The following DPYSL2 variants were observed in gnomAD, a reference collection of about 807,000 sequenced individuals.
DPYSL2 encodes dihydropyrimidinase-related protein 2.
A neutral mutation model predicts 69.9 loss-of-function variants in DPYSL2; 13 were observed. The observed-to-expected ratio is 0.19, with a 90% confidence interval of 0.12 to 0.30. The LOEUF is 0.30. DPYSL2 is among the 10% of genes least tolerant of loss of function. The pLI is 1.00. For synonymous variants in DPYSL2, 326 were observed against 359.1 expected (o/e 0.91, Z 1.04); for missense variants, 587 against 918.9 (o/e 0.64, Z 4.67).
chr8:26,522,184 C>T lies in DPYSL2; in HGVS notation c.354+7505C>T, dbSNP rs1046776936. ...TTAGCCGGGCACGGTGGCACACACCCGTAATCTCAGCTATTCAGGAGGCTG... is the reference window on the plus strand; with the variant it reads ...TTAGCCGGGCACGGTGGCACACACCTGTAATCTCAGCTATTCAGGAGGCTG... On this transcript the variant is annotated intron_variant, in intron 1 of 13. Transcript: ENST00000521913. Among the ~76,000 whole-genome samples, 5 of 152,004 alleles carry T rather than the reference C, an allele frequency of 3.3e-5. 1 individual carries two copies. Among genetic ancestry groups the T allele is most frequent in the African/African-American group, 1.2e-4 (5 of 41,372 alleles).
At chr8:26,547,848 GC>G in intron 1 of DPYSL2, 1 of 346,526 alleles carries the variant, frequency 2.9e-6, no homozygotes, top group Non-Finnish European at 6.0e-6. Context: ...ATCAGCTCTT[GC>G]AAAAGGAGTC....
chr8:26,623,407 T>C (rs1227717526), intron 3 of DPYSL2, among the ~76,000 whole-genome samples: 1 of 152,172 alleles, frequency 6.6e-6, no homozygotes, highest in Admixed American at 6.5e-5. Flanking sequence ...AACAAATGTA[T>C]GTGCTAGGTA....
intron 1 of DPYSL2, among the ~76,000 whole-genome samples, chr8:26,527,803 C>T (rs77197276): frequency 1.0e-5 from 1 of 96,668 alleles, no homozygotes. Context: ...ATTTGTTTAT[C>T]CTTTTTTTTT....
At position 26,564,509 on chromosome 8, in the gene DPYSL2, C is replaced by T. The variant is rs1403275124; in HGVS notation, c.355-17460C>T. Among the ~76,000 whole-genome samples the T allele has an allele frequency of 6.6e-6, 1 of 152,098 alleles. No individual in the cohort carries two copies. Among genetic ancestry groups the T allele is most frequent in the African/African-American group, 2.4e-5 (1 of 41,396 alleles). On this transcript the variant is annotated intron_variant, in intron 1 of 13. Transcript: ENST00000521913. This position sits in a 1 kb window ranked among gnomAD's most constrained non-coding sequence, Gnocchi z 4.8. ...AATGGGCTGACGTCTTCCTGTGAGA[C>T]CTAGGGAAGGAGAAAAGAGGGGTGT...
Position 26,647,716 on chromosome 8 carries a change from C to G in DPYSL2, c.1512C>G (p.Gly504=). 7.4e-6 allele frequency: 12 copies of G among 1,614,184 alleles called. No individual in the cohort carries two copies. The highest frequency in any genetic ancestry group is 1.0e-5 in the Non-Finnish European group (12 of 1,180,034). Residue 504 remains glycine, a synonymous_variant, in exon 11 of 14, where the codon GGC becomes GGG. Transcript: ENST00000521913. This position sits in a 1 kb window ranked among gnomAD's most constrained non-coding sequence, Gnocchi z 5.1. The part of the protein sequence containing the change: ...AKVFNLYPRK[G]RIAVGSDADL... ...TCTTCAACCTTTACCCCCGGAAAGG[C>G]CGCATTGCTGTGGGATCCGATGCCG... is the stretch of plus-strand genomic sequence containing the variant.
intron 1 of DPYSL2, among the ~76,000 whole-genome samples, chr8:26,557,574 T>G (rs1250298475): frequency 1.5e-5 from 2 of 133,808 alleles, no homozygotes; most frequent in Non-Finnish European, 3.0e-5. Flanking sequence ...GGCCAGGAGT[T>G]TGAGACCAGC....
chr8:26,633,946 C>T (rs185423167), intron 7 of DPYSL2, among the ~76,000 whole-genome samples: 184 of 152,362 alleles, frequency 1.2e-3, no homozygotes, highest in African/African-American at 2.0e-3. Flanking sequence ...TGCATTGTTT[C>T]GTGGGTGATG....
chr8:26,555,966 T>TTATATATAG (rs571344127), intron 1 of DPYSL2, among the ~76,000 whole-genome samples: 4 of 121,466 alleles, frequency 3.3e-5, no homozygotes, highest in African/African-American at 9.5e-5. Flanking sequence ...GTATTATATA[T>TTATATATAG]TATATATAGT....
At chr8:26,535,629 A>AT (rs1360469564) in intron 1 of DPYSL2, among the ~76,000 whole-genome samples, 24 of 149,438 alleles carry the variant, frequency 1.6e-4, no homozygotes, top group African/African-American at 6.0e-4. Context: ...ATATATATAT[A>AT]TATATATTTT....
chr8:26,592,601 A>T (rs1002658426), intron 3 of DPYSL2, among the ~76,000 whole-genome samples: 13 of 151,134 alleles, frequency 8.6e-5, no homozygotes, highest in Non-Finnish European at 2.9e-5. Context: ...TCAGCCTCTC[A>T]AGTAGCTTGG....
chr8:26,603,515 T>C (rs1802041070), intron 3 of DPYSL2, among the ~76,000 whole-genome samples: 1 of 152,238 alleles, frequency 6.6e-6, no homozygotes, highest in Non-Finnish European at 1.5e-5. Context: ...ACACAAATTT[T>C]ACCACTCGAA....
intron 1 of DPYSL2, among the ~76,000 whole-genome samples, chr8:26,518,564 C>T (rs1284672921): frequency 6.6e-6 from 1 of 152,140 alleles, no homozygotes; most frequent in Non-Finnish European, 1.5e-5. Context: ...TTTTCATCCC[C>T]CAAAGCTGAA....
intron 1 of DPYSL2, among the ~76,000 whole-genome samples, chr8:26,570,335 G>A (rs998004358): frequency 6.6e-6 from 1 of 152,190 alleles, no homozygotes; most frequent in Admixed American, 6.5e-5. Context: ...AACATCTAAG[G>A]AATGTGGACT....
intron 1 of DPYSL2, among the ~76,000 whole-genome samples, chr8:26,521,197 CA>C (rs1808377917): frequency 6.6e-6 from 1 of 152,206 alleles, no homozygotes; most frequent in Non-Finnish European, 1.5e-5. Context: ...GTACTGCACA[CA>C]AATACTGTCT....
Position 26,655,491 on chromosome 8 carries a change from G to A in DPYSL2, c.1943-124G>A, listed in dbSNP as rs551569188. On this transcript the variant is annotated intron_variant, in intron 13 of 13. Coordinates refer to ENST00000521913, the MANE Select transcript of DPYSL2 (RefSeq NM_001197293.3). ...GGTCTGGAAAACAGAGCAAGACGCT[G>A]TCTCCAAAAAAAAAGAATGCGACTA... 3.5e-5 allele frequency: 29 copies of A among 829,060 alleles called. No individual in the cohort carries two copies. The African/African-American group carries it at 4.9e-4, about 14-fold the overall frequency. The allele number at this position is 829,060 out of a possible 1,614,324, so 51.4% of individuals were successfully genotyped here. A position where few individuals can be genotyped will look rare whatever the true frequency, so the allele number is the denominator to read the frequency against.
intron 1 of DPYSL2, among the ~76,000 whole-genome samples, chr8:26,529,871 G>A (rs191847607): frequency 9.9e-4 from 150 of 151,708 alleles, no homozygotes; most frequent in African/African-American, 3.4e-3. Context: ...AGCACTTTGG[G>A]AGGCAGAGGT....
chr8:26,575,191 T>C (rs923809714), intron 1 of DPYSL2, among the ~76,000 whole-genome samples: 2 of 152,216 alleles, frequency 1.3e-5, no homozygotes, highest in African/African-American at 4.8e-5. Context: ...GGTTTCTCCA[T>C]GTTGCTGAGG....
chr8:26,627,171 G>A lies in DPYSL2; in HGVS notation c.856-44G>A, dbSNP rs1802638310. 5 of 1,562,224 alleles carry A rather than the reference G, an allele frequency of 3.2e-6. No individual in the cohort carries two copies. The highest frequency in any genetic ancestry group is 3.3e-5 in the Admixed American group (2 of 59,834). On this transcript the variant is annotated intron_variant, in intron 5 of 13. Transcript: ENST00000521913. This position sits in a 1 kb window ranked among gnomAD's most constrained non-coding sequence, Gnocchi z 6.9. The stretch of plus-strand genomic sequence containing the variant: ...AGATGATTGTCTTTGTGAACAGGAA[G>A]ATGGAAGTCCCTGTCTCTGATCCCA...
intron 1 of DPYSL2, among the ~76,000 whole-genome samples, chr8:26,563,267 C>T (rs1801101608): frequency 6.6e-6 from 1 of 152,188 alleles, no homozygotes; most frequent in South Asian, 2.1e-4. Context: ...AAACATTCCA[C>T]CTCATCCTAA....
Sources: allele counts gnomAD v4.1 joint callset (sites outside exome capture counted in the v4.1 genomes callset), GRCh38; gene constraint gnomAD v4.1.1; non-coding constraint Gnocchi (gnomAD v3.1); transcripts MANE v1.5; gene names NCBI Gene and HGNC (gene_info 2026-07-23, HGNC 2026-07-21).